The following SETBP1 variants were observed in gnomAD, a reference collection of about 807,000 sequenced individuals.
SETBP1 encodes SET binding protein 1, also known as SET-binding protein.
SETBP1 carries 9 observed loss-of-function variants against 101.0 expected under a neutral mutation model. That is an observed-to-expected ratio of 0.09 (90% CI 0.05 to 0.16). SETBP1 has a LOEUF of 0.16. Among genes scored for constraint, SETBP1 ranks in the 10% least tolerant of loss-of-function variants. The probability of loss-of-function intolerance (pLI) is 1.00; values close to 1 mark genes in which losing one functional copy is unlikely to be tolerated. For missense variants in SETBP1, 1,858 were observed against 2,033.8 expected, an observed-to-expected ratio of 0.91 and a Z score of 1.66; for synonymous variants, 818 against 788.5, an observed-to-expected ratio of 1.04 and a Z score of -0.63.
chr18:44,993,489 T>C (rs1194365465), intron 4 of SETBP1, among the ~76,000 whole-genome samples: 1 of 152,026 alleles, frequency 6.6e-6, no homozygotes, highest in Non-Finnish European at 1.5e-5. Context: ...TTGATATATT[T>C]TTCTACTTAT....
chr18:44,867,972 C>G (rs1353556669), intron 2 of SETBP1, among the ~76,000 whole-genome samples: 1 of 152,192 alleles, frequency 6.6e-6, no homozygotes, highest in Non-Finnish European at 1.5e-5. Context: ...AAATGCTCTC[C>G]AGGCCTAACA....
At position 44,849,092 on chromosome 18, in the gene SETBP1, A is replaced by G. The variant is rs563535681; in HGVS notation, c.487-20138A>G. Reference sequence around the variant, plus strand: ...CTTGTAAAGGCTGTGGGGATGCAACATGCTGTGTACTGACTGGATGTCTGT... The same window carrying G: ...CTTGTAAAGGCTGTGGGGATGCAACGTGCTGTGTACTGACTGGATGTCTGT... On this transcript the variant is annotated intron_variant, in intron 2 of 5. Coordinates refer to ENST00000649279, the MANE Select transcript of SETBP1 (RefSeq NM_015559.3). Among the ~76,000 whole-genome samples, 373 of 152,308 alleles carry G rather than the reference A, an allele frequency of 2.4e-3. 1 individual carries two copies. The highest frequency in any genetic ancestry group is 3.9e-3 in the Non-Finnish European group (263 of 68,024).
intron 3 of SETBP1, among the ~76,000 whole-genome samples, chr18:44,873,854 T>C (rs2069335495): frequency 6.6e-6 from 1 of 152,326 alleles, no homozygotes; most frequent in East Asian, 1.9e-4. Flanking sequence ...AATAAACCCA[T>C]GTACCTGTTA....
intron 4 of SETBP1, among the ~76,000 whole-genome samples, chr18:45,021,423 G>C (rs548773128): frequency 6.6e-6 from 1 of 152,160 alleles, no homozygotes; most frequent in Admixed American, 6.5e-5. Context: ...TGCCTGTATG[G>C]TTTCTATCTG....
At chr18:45,037,203 A>G (rs77420431) in intron 4 of SETBP1, among the ~76,000 whole-genome samples, 296 of 152,268 alleles carry the variant, frequency 1.9e-3, no homozygotes, top group Non-Finnish European at 3.8e-3. Context: ...AGATGAAGAA[A>G]CTGAATAGGT....
rs1033222419 is a variant in SETBP1 at position 45,066,105 on chromosome 18, C to A, written c.*2407C>A. The stretch of plus-strand genomic sequence containing the variant: ...CAGAGGAAGATGAGCTGGCACTCTG[C>A]AAACTTCTTTAATAAGGACCCAAAG... On this transcript the variant is annotated 3_prime_UTR_variant, in exon 6 of 6. Transcript: ENST00000649279. 8 of 152,200 alleles carry A rather than the reference C, an allele frequency of 5.3e-5. No individual in the cohort carries two copies. Among genetic ancestry groups the A allele is most frequent in the African/African-American group, 1.9e-4 (8 of 41,450 alleles). The allele number at this position is 152,200 out of a possible 1,614,324, so 9.4% of individuals were successfully genotyped here.
intron 2 of SETBP1, among the ~76,000 whole-genome samples, chr18:44,829,589 A>G (rs934784761): frequency 6.6e-6 from 1 of 152,208 alleles, no homozygotes; most frequent in African/African-American, 2.4e-5. Flanking sequence ...ATCTCAACTC[A>G]TCATTAGGCA....
chr18:44,986,325 A>C (rs1226952800), intron 4 of SETBP1: 1 of 152,128 alleles, frequency 6.6e-6, no homozygotes, highest in Non-Finnish European at 1.5e-5. Context: ...TTGTGAACGG[A>C]GATTATAGGA....
chr18:44,931,687 T>A (rs534870357), intron 3 of SETBP1, among the ~76,000 whole-genome samples: 4 of 152,346 alleles, frequency 2.6e-5, no homozygotes, highest in South Asian at 2.1e-4. Context: ...CCTTTACCAT[T>A]ATGCAATGGC....
chr18:44,867,863 C>T (rs2069164131), intron 2 of SETBP1, among the ~76,000 whole-genome samples: 1 of 152,188 alleles, frequency 6.6e-6, no homozygotes, highest in South Asian at 2.1e-4. Context: ...TTGAGCTTTT[C>T]TGAAGGCTGG....
At position 44,863,092 on chromosome 18, in the gene SETBP1, C is replaced by T. The variant is rs568243679; in HGVS notation, c.487-6138C>T. On this transcript the variant is annotated intron_variant, in intron 2 of 5. Transcript: ENST00000649279. ...CAACCTATTGGTTCCATTTTACCTACCTTATTTTCCAATTTCCAGATTTCC... is the reference window on the plus strand; with the variant it reads ...CAACCTATTGGTTCCATTTTACCTATCTTATTTTCCAATTTCCAGATTTCC... 4.6e-5 allele frequency among the ~76,000 whole-genome samples: 7 copies of T among 152,264 alleles called. 1 individual carries two copies. The highest frequency in any genetic ancestry group is 1.2e-4 in the African/African-American group (5 of 41,558).
At chr18:44,868,242 T>C (rs1303328167) in intron 2 of SETBP1, among the ~76,000 whole-genome samples, 1 of 152,070 alleles carries the variant, frequency 6.6e-6, no homozygotes, top group African/African-American at 2.4e-5. Flanking sequence ...TATATGATTG[T>C]TTGAAGTATA....
chr18:44,836,658 G>C (rs987622324), intron 2 of SETBP1, among the ~76,000 whole-genome samples: 1 of 152,172 alleles, frequency 6.6e-6, no homozygotes, highest in African/African-American at 2.4e-5. Context: ...TACTAGTCTG[G>C]GAAATTCTAG....
rs1035399679 is a variant in SETBP1, at chr18:44,824,774, G to A, written c.487-44456G>A. On this transcript the variant is annotated intron_variant, in intron 2 of 5. Coordinates refer to ENST00000649279, the MANE Select transcript of SETBP1 (RefSeq NM_015559.3). The stretch of plus-strand genomic sequence containing the variant: ...GGATGGGAAGAGAAGGAAAATGGAG[G>A]GCAGAAGAAAGAGAGCAATAGGAAG... Among the ~76,000 whole-genome samples, 5 of 152,160 alleles carry A rather than the reference G, an allele frequency of 3.3e-5. No homozygotes were observed. The South Asian group carries it at 1.0e-3, about 32-fold the overall frequency.
At chr18:44,933,828 A>G (rs1568224743) in intron 3 of SETBP1, among the ~76,000 whole-genome samples, 2 of 152,004 alleles carry the variant, frequency 1.3e-5, no homozygotes, top group Admixed American at 6.6e-5. Flanking sequence ...GAGTGTCCCA[A>G]TTTTCCAGGT....
intron 4 of SETBP1, among the ~76,000 whole-genome samples, chr18:44,962,164 T>C (rs1423026857): frequency 6.6e-6 from 1 of 152,164 alleles, no homozygotes; most frequent in East Asian, 1.9e-4. Flanking sequence ...GCTAACTCAT[T>C]GGCCAACAAT....
chr18:44,815,398 G>A (rs759927152), intron 2 of SETBP1, among the ~76,000 whole-genome samples: 3 of 152,218 alleles, frequency 2.0e-5, no homozygotes, highest in Non-Finnish European at 2.9e-5. Context: ...GGGGCAGCCC[G>A]TATCTACTTT....
At chr18:45,040,885 C>A (rs2073494673) in intron 5 of SETBP1, among the ~76,000 whole-genome samples, 1 of 152,182 alleles carries the variant, frequency 6.6e-6, no homozygotes, top group South Asian at 2.1e-4. Context: ...ATTTCCGGGT[C>A]TCTGGCTGTT....
chr18:44,866,744 C>G (rs538281937), intron 2 of SETBP1, among the ~76,000 whole-genome samples: 1 of 152,288 alleles, frequency 6.6e-6, no homozygotes, highest in East Asian at 1.9e-4. Context: ...TTTTATTTTC[C>G]GTCCTTTCCA....
Sources: gnomAD v4.1 joint callset for allele counts (sites outside exome capture counted in the v4.1 genomes callset) on GRCh38, gnomAD v4.1.1 for gene constraint, MANE v1.5 for transcripts, NCBI Gene and HGNC (gene_info 2026-07-23, HGNC 2026-07-21) for gene names.